CCDC178: variants seen among roughly 807,000 people sequenced by gnomAD.
The protein encoded by CCDC178 is coiled-coil domain-containing protein 178.
In CCDC178, 126 loss-of-function variants were observed where a neutral mutation model predicts 117.4. The ratio of observed to expected loss-of-function variants is 1.07; its 90% confidence interval spans 0.93 to 1.24. The LOEUF is 1.24. Among genes scored for constraint, CCDC178 ranks in the 50% most tolerant of loss-of-function variants. The pLI, the probability that CCDC178 is intolerant of heterozygous loss-of-function variation, is 0.00. For synonymous variants in CCDC178, 283 were observed against 313.4 expected (o/e 0.90, Z 1.02); for missense variants, 1,030 against 986.9 (o/e 1.04, Z -0.59).
chr18:33,249,434 A>T (rs949306328), intron 14 of CCDC178, among the ~76,000 whole-genome samples: 1 of 151,882 alleles, frequency 6.6e-6, no homozygotes, highest in Non-Finnish European at 1.5e-5. Context: ...CATCTTTAAT[A>T]AATTTTTGTA....
chr18:33,071,588 G>T (rs547145332), intron 21 of CCDC178, among the ~76,000 whole-genome samples: 12 of 152,080 alleles, frequency 7.9e-5, no homozygotes, highest in African/African-American at 2.9e-4. Context: ...ACAGAGACAA[G>T]AAAAAATGGT....
Position 33,215,567 on chromosome 18 carries a change from C to T in CCDC178, c.2061G>A (p.Gln687=), listed in dbSNP as rs2059155225. Residue 687 remains glutamine, a synonymous_variant, in exon 19 of 23, where the codon CAG becomes CAA. Coordinates refer to ENST00000383096, the MANE Select transcript of CCDC178 (RefSeq NM_001105528.4). ...AKEEEKKSFD[Q]TLEILKNKFI... ...GTACTTACTTTAATATTTCAAGTGT[C>T]TGATCAAAACTTTTCTTTTCTTCTT... 1 of 1,429,912 alleles carries T rather than the reference C, an allele frequency of 7.0e-7. No homozygotes were observed. Among genetic ancestry groups the T allele is most frequent in the Non-Finnish European group, 9.3e-7 (1 of 1,072,504 alleles). 88.6% of individuals were successfully genotyped at this position (1,429,912 alleles called of 1,614,324 possible). A position where few individuals can be genotyped will look rare whatever the true frequency, so the allele number is the denominator to read the frequency against.
intron 11 of CCDC178, among the ~76,000 whole-genome samples, chr18:33,309,335 A>G (rs1195001410): frequency 6.6e-6 from 1 of 152,190 alleles, no homozygotes; most frequent in Non-Finnish European, 1.5e-5. Context: ...AAAAATGGCC[A>G]ATAAAAAATA....
At chr18:33,044,995 G>C (rs899761549) in intron 21 of CCDC178, among the ~76,000 whole-genome samples, 3 of 152,116 alleles carry the variant, frequency 2.0e-5, no homozygotes, top group Non-Finnish European at 2.9e-5. Flanking sequence ...AGACACTGAA[G>C]ACCACAAATG....
chr18:33,086,990 A>G (rs921335484), intron 21 of CCDC178, among the ~76,000 whole-genome samples: 6 of 150,926 alleles, frequency 4.0e-5, no homozygotes, highest in African/African-American at 1.5e-4. Context: ...ACACACACAC[A>G]CACACACACA....
chr18:33,038,406 A>G (rs2056484813), intron 21 of CCDC178, among the ~76,000 whole-genome samples: 1 of 151,924 alleles, frequency 6.6e-6, no homozygotes, highest in African/African-American at 2.4e-5. Flanking sequence ...ATTGGTCCCT[A>G]TTTCACTTAC....
chr18:33,355,549 T>C (rs2063042091), intron 7 of CCDC178, among the ~76,000 whole-genome samples: 1 of 152,196 alleles, frequency 6.6e-6, no homozygotes, highest in Non-Finnish European at 1.5e-5. Context: ...ATTAGGATCT[T>C]CTCAAGTCTT....
chr18:32,999,199 A>C (rs2055579799), intron 21 of CCDC178, among the ~76,000 whole-genome samples: 1 of 152,146 alleles, frequency 6.6e-6, no homozygotes, highest in Non-Finnish European at 1.5e-5. Context: ...GTAGCCAGAC[A>C]GTACTTGCCT....
intron 5 of CCDC178, among the ~76,000 whole-genome samples, chr18:33,388,081 G>A (rs543378377): frequency 1.5e-4 from 23 of 151,878 alleles, no homozygotes; most frequent in African/African-American, 5.3e-4. Flanking sequence ...TCAAGAAAAA[G>A]GCATACATGT....
At chr18:33,091,324 C>CTTTTTTTTT (rs746505005) in intron 21 of CCDC178, among the ~76,000 whole-genome samples, 1,623 of 43,844 alleles carry the variant, frequency 0.037, 648 homozygotes, top group Middle Eastern at 0.083. Context: ...TTATTTCATT[C>CTTTTTTTTT]TTTTTTTTTT....
intron 21 of CCDC178, among the ~76,000 whole-genome samples, chr18:33,017,410 A>G: frequency 6.6e-6 from 1 of 151,986 alleles, no homozygotes; most frequent in East Asian, 1.9e-4. Context: ...TGTGGTCTAA[A>G]AGTATGAATA....
chr18:33,095,983 T>C (rs1314778725), intron 20 of CCDC178, among the ~76,000 whole-genome samples: 2 of 151,914 alleles, frequency 1.3e-5, no homozygotes, highest in African/African-American at 2.4e-5. Flanking sequence ...GGTTATTTAG[T>C]TAGCCCATGA....
intron 20 of CCDC178, among the ~76,000 whole-genome samples, chr18:33,129,943 T>C (rs1212882925): frequency 6.6e-6 from 1 of 151,978 alleles, no homozygotes; most frequent in Non-Finnish European, 1.5e-5. Flanking sequence ...AAAATTATAG[T>C]AATGTTCTTG....
At chr18:33,193,601 A>G (rs1407745344) in intron 20 of CCDC178, among the ~76,000 whole-genome samples, 1 of 152,196 alleles carries the variant, frequency 6.6e-6, no homozygotes, top group Non-Finnish European at 1.5e-5. Flanking sequence ...TCTCACATAG[A>G]ATTCCGGATC....
intron 20 of CCDC178, among the ~76,000 whole-genome samples, chr18:33,098,564 C>G (rs2057578228): frequency 6.6e-6 from 1 of 152,044 alleles, no homozygotes; most frequent in African/African-American, 2.4e-5. Context: ...CTCACCAGAG[C>G]TCTGCCGGCT....
intron 12 of CCDC178, among the ~76,000 whole-genome samples, chr18:33,285,922 A>C (rs1175268499): frequency 1.3e-5 from 2 of 152,040 alleles, no homozygotes; most frequent in Non-Finnish European, 2.9e-5. Flanking sequence ...GCCACACAAA[A>C]TACACACATA....
chr18:33,346,692 C>T (rs2144680314), intron 8 of CCDC178, among the ~76,000 whole-genome samples: 1 of 152,066 alleles, frequency 6.6e-6, no homozygotes, highest in East Asian at 1.9e-4. Context: ...AAGGAAAAAA[C>T]ACATGTGCTA....
chr18:33,329,876 A>AGTGTGTGTGTGTGT (rs67627028), intron 10 of CCDC178, among the ~76,000 whole-genome samples: 40 of 131,446 alleles, frequency 3.0e-4, no homozygotes, highest in African/African-American at 7.4e-4. Context: ...GAATTATTAG[A>AGTGTGTGTGTGTGT]GTGTGTGTGT....
intron 21 of CCDC178, chr18:32,983,291 G>T: frequency 6.6e-7 from 1 of 1,525,804 alleles, no homozygotes; most frequent in South Asian, 1.2e-5. Flanking sequence ...CTGAAAATTT[G>T]AGAGTTCATC....
Sources: gnomAD v4.1 joint callset for allele counts (sites outside exome capture counted in the v4.1 genomes callset) on GRCh38, gnomAD v4.1.1 for gene constraint, MANE v1.5 for transcripts, NCBI Gene and HGNC (gene_info 2026-07-23, HGNC 2026-07-21) for gene names.